AP5Z1: variants seen among roughly 807,000 people sequenced by gnomAD.
AP5Z1 encodes AP-5 complex subunit zeta-1.
Under a neutral mutation model 83.0 loss-of-function variants are expected in AP5Z1, and 106 were observed. That is an observed-to-expected ratio of 1.28 (90% confidence interval 1.09 to 1.50). The LOEUF is 1.50. AP5Z1 is among the 40% of genes most tolerant of loss of function. AP5Z1 has a pLI of 0.00. For missense variants in AP5Z1, 1,565 were observed against 1,094.2 expected, an observed-to-expected ratio of 1.43 and a Z score of -6.07; for synonymous variants, 751 against 514.1, an observed-to-expected ratio of 1.46 and a Z score of -6.23.
rs1000978059 is a variant in AP5Z1 at position 4,790,507 on chromosome 7, G to C, written c.1854G>C (p.Leu618=). The C allele has an allele frequency of 5.0e-6, 8 of 1,613,174 alleles. No homozygotes were observed. The Admixed American group carries it at 8.3e-5, about 17-fold the overall frequency. Residue 618 remains leucine (L), a synonymous_variant, in exon 15 of 17, where the codon CTG becomes CTC. Transcript: ENST00000649063. ...FLALCTLKPS[L]VVELARDLLE... ...CCCTGTGTACGCTGAAACCCTCCCT[G>C]GTGGTGGAGCTGGCAAGAGACCTGC... is the stretch of plus-strand genomic sequence containing the variant.
At chr7:4,783,651 T>G (rs1267117088) in intron 4 of AP5Z1, 38 bp from the exon 5 acceptor site, 1 of 1,536,708 alleles carries the variant, frequency 6.5e-7, no homozygotes, top group South Asian at 1.2e-5. Flanking sequence ...ATCTGTAGGA[T>G]TCAACCTCAC....
rs761867310 is a variant in AP5Z1 at position 4,791,244 on chromosome 7, T to G, written c.2283T>G (p.Pro761=). 1.2e-6 allele frequency: 2 copies of G among 1,612,654 alleles called. No individual in the cohort carries two copies. The highest frequency in any genetic ancestry group is 2.7e-5 in the African/African-American group (2 of 74,928). The change falls in exon 17 of 17, where the codon CCT becomes CCG. Residue 761 remains proline (P), a synonymous_variant. Coordinates refer to ENST00000649063, the MANE Select transcript of AP5Z1 (RefSeq NM_014855.3). ...ATELLTLLKM[P]SVAQFVLTPS... is the part of the protein sequence containing the mutation. ...AGCTGCTGACCCTGCTGAAGATGCC[T>G]AGCGTGGCCCAGTTTGTGCTCACAC... is the stretch of plus-strand genomic sequence containing the variant.
In AP5Z1 at chr7:4,785,552, G is replaced by C; in HGVS notation, c.1000G>C (p.Val334Leu). ...GGTGGAGGCCGTGCTGGTGCTGGAC[G>C]TGCTGTGCCGGCAGGACCCGTCCTT... ...CLVEAVLVLD[V>L]LCRQDPSFLY... Residue 334 changes from valine to leucine, a missense_variant, in exon 9 of 17, where the codon GTG becomes CTG. By Grantham distance (32) the Val-to-Leu change is conservative. Transcript: ENST00000649063. 1.2e-6 allele frequency: 2 copies of C among 1,612,096 alleles called. No individual in the cohort carries two copies. Among genetic ancestry groups the C allele is most frequent in the Non-Finnish European group, 1.7e-6 (2 of 1,179,492 alleles).
Position 4,781,740 on chromosome 7 carries a change from G to A in AP5Z1, c.352G>A (p.Val118Ile), listed in dbSNP as rs765261590. Residue 118 changes from valine (V) to isoleucine (I), a missense_variant, in exon 3 of 17, where the codon GTT becomes ATT. Val to Ile is a conservative substitution (Grantham distance 29). Transcript: ENST00000649063. ...CCGGCAGCTGAGCCTGGTGGCCTCCGTTCTCTTGGCCCAGGTAGCGCAGCA... is the reference window on the plus strand; with the variant it reads ...CCGGCAGCTGAGCCTGGTGGCCTCCATTCTCTTGGCCCAGGTAGCGCAGCA... ...NSRQLSLVAS[V>I]LLAQGDRNEE... 5.2e-5 allele frequency: 82 copies of A among 1,570,610 alleles called. No individual in the cohort carries two copies. Among genetic ancestry groups the A allele is most frequent in the Non-Finnish European group, 6.5e-5 (75 of 1,149,140 alleles).
rs754339650 is a variant in AP5Z1 at position 4,790,212 on chromosome 7, A to G, written c.1806-247A>G. The stretch of plus-strand genomic sequence containing the variant: ...TGTCCCCTGGGGTCCTTCTCTCCAA[A>G]GGCCTGATGCATGCAGGCCCATCCT... On this transcript the variant is annotated intron_variant, in intron 14 of 16. Coordinates refer to ENST00000649063, the MANE Select transcript of AP5Z1 (RefSeq NM_014855.3). 2.0e-5 allele frequency: 31 copies of G among 1,547,272 alleles called. No individual in the cohort carries two copies. In the Admixed American group the frequency reaches 5.6e-4, roughly 28 times the overall value.
intron 14 of AP5Z1, 42 bp from the exon 15 acceptor site, chr7:4,790,417 T>C (rs907718): frequency 1.5e-5 from 24 of 1,612,106 alleles, no homozygotes; most frequent in Non-Finnish European, 1.8e-5. Context: ...GATGGGGTCA[T>C]AGGTCTGCAC....
chr7:4,786,729 C>G, intron 10 of AP5Z1, among the ~76,000 whole-genome samples: 1 of 151,962 alleles, frequency 6.6e-6, no homozygotes, highest in East Asian at 1.9e-4. Context: ...ATCCCTCCCC[C>G]GGGAGCCCTG....
chr7:4,787,926 C>G, intron 11 of AP5Z1, 150 bp downstream of exon 11: 1 of 1,202,044 alleles, frequency 8.3e-7, no homozygotes, highest in Non-Finnish European at 1.1e-6. Flanking sequence ...AAAGCCACCT[C>G]TAGGACAGGG....
chr7:4,786,449 G>A (rs1279551834), intron 10 of AP5Z1, 21 bp downstream of exon 10: 3 of 1,611,624 alleles, frequency 1.9e-6, no homozygotes, highest in African/African-American at 1.4e-5. Context: ...GCATCCCTGG[G>A]TGCCAGGGCA....
chr7:4,789,918 C>T lies in AP5Z1; in HGVS notation c.1794C>T (p.Ala598=), dbSNP rs374673921. The part of the protein sequence containing the change: ...DSLYPAPGYA[A]GVHSVLSSQF... ...TCTACCCGGCCCCAGGGTACGCTGC[C>T]GGTGTGCACAGGTAGGTCCCTCCTG... The change falls in exon 14 of 17, where the codon GCC becomes GCT. Residue 598 remains alanine, a synonymous_variant. Coordinates refer to ENST00000649063, the MANE Select transcript of AP5Z1 (RefSeq NM_014855.3). 834 of 1,545,798 alleles carry T rather than the reference C, an allele frequency of 5.4e-4. No homozygotes were observed. The highest frequency in any genetic ancestry group is 6.5e-4 in the Non-Finnish European group (746 of 1,144,504).
rs950581059 is a variant in AP5Z1 at position 4,783,236 on chromosome 7, T to G, written c.367-80T>G. The stretch of plus-strand genomic sequence containing the variant: ...CTCAGCGACCGACGCTTCTCAGGAG[T>G]GTCACACAGACTTCCGAAATGGGGG... On this transcript the variant is annotated intron_variant, in intron 3 of 16. Transcript: ENST00000649063. 430 of 1,478,064 alleles carry G rather than the reference T, an allele frequency of 2.9e-4. 1 individual carries two copies. Among genetic ancestry groups the G allele is most frequent in the Non-Finnish European group, 3.7e-4 (410 of 1,105,532 alleles). The allele number at this position is 1,478,064 out of a possible 1,614,324, so 91.6% of individuals were successfully genotyped here.
chr7:4,792,009 G>A lies in AP5Z1; in HGVS notation c.*624G>A, dbSNP rs1035773887. 6.6e-6 allele frequency: 1 copy of A among 152,454 alleles called. No individual in the cohort carries two copies. The highest frequency in any genetic ancestry group is 1.5e-5 in the Non-Finnish European group (1 of 68,232). 9.4% of individuals were successfully genotyped at this position (152,454 alleles called of 1,614,324 possible). A position where few individuals can be genotyped will look rare whatever the true frequency, so the allele number is the denominator to read the frequency against. On this transcript the variant is annotated 3_prime_UTR_variant, in exon 17 of 17. Transcript: ENST00000649063. ...GCCCTTGAATAGCCTGAAGATGAAG[G>A]GGACCGGGGGAGGGTTGCAAGCGCC...
At chr7:4,783,635 C>A (rs542309905) in intron 4 of AP5Z1, 54 bp from the exon 5 acceptor site, 6 of 1,520,924 alleles carry the variant, frequency 3.9e-6, no homozygotes, top group Admixed American at 2.0e-5. Flanking sequence ...TCCCAACAAC[C>A]CAGGCATCTG....
At chr7:4,776,194 A>T (rs1292903542) in intron 1 of AP5Z1, among the ~76,000 whole-genome samples, 1 of 151,504 alleles carries the variant, frequency 6.6e-6, no homozygotes, top group African/African-American at 2.4e-5. Flanking sequence ...GGCTTTGCGG[A>T]ACCGTGGGAG....
Position 4,793,515 on chromosome 7 carries a change from C to CG in AP5Z1, c.*2134dup, listed in dbSNP as rs984082872. On this transcript the variant is annotated 3_prime_UTR_variant, in exon 17 of 17. Transcript: ENST00000649063. The stretch of plus-strand genomic sequence containing the variant: ...GGCCGGAGCCGGCTCCCTCAGCTTG[C>CG]GGGGAGGTGTGGAGGGAGAGGCGCG... The CG allele has an allele frequency of 6.5e-6, 1 of 152,820 alleles. No individual in the cohort carries two copies. The highest frequency in any genetic ancestry group is 2.4e-5 in the African/African-American group (1 of 41,470). 9.5% of individuals were successfully genotyped at this position (152,820 alleles called of 1,614,324 possible).
chr7:4,785,346 C>T, intron 7 of AP5Z1, 69 bp from the exon 8 acceptor site: 1 of 1,564,602 alleles, frequency 6.4e-7, no homozygotes, highest in Non-Finnish European at 8.7e-7. Context: ...TTCCAGAGCA[C>T]AAGCTGCCCC....
intron 7 of AP5Z1, 140 bp downstream of exon 7, chr7:4,785,188 T>A (rs1182234482): frequency 2.2e-6 from 3 of 1,395,178 alleles, no homozygotes; most frequent in Non-Finnish European, 2.9e-6. Context: ...GCAGGGGCAT[T>A]TTTGCTTCTG....
In AP5Z1 at chr7:4,787,684, C is replaced by T. The variant is rs994232185; in HGVS notation, c.1362C>T (p.Leu454=). 1.8e-5 allele frequency: 28 copies of T among 1,552,740 alleles called. No homozygotes were observed. Among genetic ancestry groups the T allele is most frequent in the Non-Finnish European group, 2.1e-5 (24 of 1,148,896 alleles). ...PPLTSEFVAL[L]PALVDAGTAL... is the part of the protein sequence containing the mutation. ...TCACCTCCGAGTTTGTGGCGCTCCT[C>T]CCGGCCCTGGTGGACGCTGGCACAG... The change falls in exon 11 of 17, where the codon CTC becomes CTT. Residue 454 remains leucine (L), a synonymous_variant. Transcript: ENST00000649063.
At chr7:4,789,981 T>TCCTCCCCCTCTCCCCTCCCC in intron 14 of AP5Z1, 52 bp downstream of exon 14, 4 of 1,350,368 alleles carry the variant, frequency 3.0e-6, no homozygotes, top group Admixed American at 5.1e-5. Context: ...CCTCCTGGAC[T>TCCTCCCCCTCTCCCCTCCCC]CCTCCCCCTC....
Sources: gnomAD v4.1 joint callset for allele counts (sites outside exome capture counted in the v4.1 genomes callset) on GRCh38, gnomAD v4.1.1 for gene constraint, MANE v1.5 for transcripts, NCBI Gene and HGNC (gene_info 2026-07-23, HGNC 2026-07-21) for gene names.